MAN1B1: variants seen among roughly 807,000 people sequenced by gnomAD.
MAN1B1 encodes the protein endoplasmic reticulum mannosyl-oligosaccharide 1,2-alpha-mannosidase.
A neutral mutation model predicts 75.5 loss-of-function variants in MAN1B1; 66 were observed. That is an observed-to-expected ratio of 0.87 (90% CI 0.72 to 1.07). The LOEUF (loss-of-function observed/expected upper bound fraction) is 1.07, where lower values mean the gene tolerates loss of function less well. Among genes scored for constraint, MAN1B1 ranks in the 50% least tolerant of loss-of-function variants. MAN1B1 has a pLI of 0.00. For synonymous variants in MAN1B1, 453 were observed against 382.8 expected (o/e 1.18, Z -2.14); for missense variants, 973 against 912.5 (o/e 1.07, Z -0.85).
At position 137,103,754 on chromosome 9, in the gene MAN1B1, C is replaced by T. The variant is rs199895379; in HGVS notation, c.1254+2082C>T. ...CACATGCTGTTGCAGGCGTGCAGGT[C>T]GGTGGTGTTACATTCACACTGTTGC... On this transcript the variant is annotated intron_variant, in intron 8 of 12. Coordinates refer to ENST00000371589, the MANE Select transcript of MAN1B1 (RefSeq NM_016219.5). 2.9e-4 allele frequency: 132 copies of T among 448,114 alleles called. No individual in the cohort carries two copies. In the Middle Eastern group the frequency reaches 7.3e-3, roughly 25 times the overall value. The allele number at this position is 448,114 out of a possible 1,614,324, so 27.8% of individuals were successfully genotyped here.
At chr9:137,104,203 T>C (rs1831012667) in intron 8 of MAN1B1, 14 of 392,326 alleles carry the variant, frequency 3.6e-5, no homozygotes, top group South Asian at 2.6e-4. Context: ...GTGGAGTTCC[T>C]CGTGTGAGTG....
rs777263196 is a variant in MAN1B1 at position 137,106,711 on chromosome 9, G to T, written c.1468G>T (p.Ala490Ser). 6.2e-7 allele frequency: 1 copy of T among 1,613,526 alleles called. No individual in the cohort carries two copies. ...ETQLLEDYVE[A>S]IEGVRTHLLR... ...CAGGCTGCTGGAAGACTACGTGGAA[G>T]CCATCGAGGGTGTCAGAACGCACCT... The change falls in exon 10 of 13, where the codon GCC becomes TCC. Residue 490 changes from alanine (A) to serine (S), a missense_variant. Transcript: ENST00000371589.
intron 8 of MAN1B1, chr9:137,102,381 A>G: frequency 2.3e-6 from 1 of 427,888 alleles, no homozygotes; most frequent in South Asian, 1.6e-5. Flanking sequence ...GCAGACGTGC[A>G]GGTCAGTGCT....
At chr9:137,094,259 C>G in intron 3 of MAN1B1, 1 of 180,020 alleles carries the variant, frequency 5.6e-6, no homozygotes, top group Non-Finnish European at 1.2e-5. Flanking sequence ...AGGTGATCCT[C>G]CTGCCTCGGC....
intron 3 of MAN1B1, among the ~76,000 whole-genome samples, chr9:137,091,636 C>G (rs1830520536): frequency 6.7e-6 from 1 of 150,130 alleles, no homozygotes; most frequent in Non-Finnish European, 1.5e-5. Flanking sequence ...ATGCCATTCT[C>G]CTGCCTTGGC....
At position 137,096,360 on chromosome 9, in the gene MAN1B1, C is replaced by G. The variant is rs1031738240; in HGVS notation, c.589C>G (p.Pro197Ala). The G allele has an allele frequency of 5.0e-6, 8 of 1,613,740 alleles. No homozygotes were observed. The highest frequency in any genetic ancestry group is 6.8e-6 in the Non-Finnish European group (8 of 1,179,990). ...KRQEAPVDPR[P>A]EGDPQRTVIS... ...GCAAGAAGCCCCTGTGGATCCCCGCCCGGAAGGAGATCCGCAGAGGACAGT... is the reference window on the plus strand; with the variant it reads ...GCAAGAAGCCCCTGTGGATCCCCGCGCGGAAGGAGATCCGCAGAGGACAGT... The change falls in exon 4 of 13, where the codon CCG (proline) becomes GCG (alanine). Residue 197 changes from proline (P) to alanine (A), a missense_variant. Transcript: ENST00000371589.
Position 137,101,121 on chromosome 9 carries a change from C to G in MAN1B1, c.1033C>G (p.Leu345Val), listed in dbSNP as rs1326340922. 6.2e-7 allele frequency: 1 copy of G among 1,614,132 alleles called. No homozygotes were observed. Among genetic ancestry groups the G allele is most frequent in the African/African-American group, 1.3e-5 (1 of 75,050 alleles). The part of the protein sequence containing the change: ...ILGGLLSAYH[L>V]SGDSLFLRKA... ...GGGGGGGCTCCTGAGTGCCTACCAC[C>G]TGTCTGGGGACAGCCTCTTCCTGAG... Residue 345 changes from leucine to valine, a missense_variant, in exon 7 of 13, where the codon CTG becomes GTG. By Grantham distance (32) the Leu-to-Val change is conservative. Coordinates refer to ENST00000371589, the MANE Select transcript of MAN1B1 (RefSeq NM_016219.5).
intron 2 of MAN1B1, chr9:137,088,461 G>C (rs1830437908): frequency 6.6e-7 from 1 of 1,516,016 alleles, no homozygotes; most frequent in Non-Finnish European, 8.9e-7. Flanking sequence ...TGAACACTCA[G>C]CCTAAATAAC....
In MAN1B1 at chr9:137,098,783, A is replaced by T. The variant is rs200249063; in HGVS notation, c.730+846A>T. The stretch of plus-strand genomic sequence containing the variant: ...CACTTTGGGAGGCTGAGGTAGAAGG[A>T]TCTCTTGAGTCCAGGAGTTCAAGAC... On this transcript the variant is annotated intron_variant, in intron 5 of 12. Transcript: ENST00000371589. 1.6e-4 allele frequency among the ~76,000 whole-genome samples: 24 copies of T among 152,150 alleles called. No individual in the cohort carries two copies. In the East Asian group the frequency reaches 4.6e-3, roughly 29 times the overall value.
In MAN1B1 at chr9:137,101,465, T is replaced by C; in HGVS notation, c.1066-19T>C. ...CTGGGTGACCTGAACGTTGGTTCTC[T>C]ACTCTGCTCATATACCAGGAGGATT... On this transcript the variant is annotated intron_variant, in intron 7 of 12. Coordinates refer to ENST00000371589, the MANE Select transcript of MAN1B1 (RefSeq NM_016219.5). 6.2e-7 allele frequency: 1 copy of C among 1,613,314 alleles called. No individual in the cohort carries two copies. Among genetic ancestry groups the C allele is most frequent in the East Asian group, 2.2e-5 (1 of 44,880 alleles).
intron 8 of MAN1B1, chr9:137,105,615 G>A (rs1421754553): frequency 3.1e-6 from 1 of 319,516 alleles, no homozygotes; most frequent in Non-Finnish European, 6.0e-6. Context: ...CAGGACGCCT[G>A]GTGCTGCCAG....
chr9:137,098,035 C>G (rs1480140673), intron 5 of MAN1B1, 98 bp downstream of exon 5: 5 of 882,528 alleles, frequency 5.7e-6, no homozygotes, highest in Non-Finnish European at 9.2e-6. Flanking sequence ...GCGCCCCCGC[C>G]CTGGTGTGCA....
chr9:137,099,901 G>C lies in MAN1B1; in HGVS notation c.916+20G>C, dbSNP rs376923523. 7 of 1,613,804 alleles carry C rather than the reference G, an allele frequency of 4.3e-6. No homozygotes were observed. In the African/African-American group the frequency reaches 9.3e-5, roughly 22 times the overall value. On this transcript the variant is annotated intron_variant, in intron 6 of 12. Transcript: ENST00000371589. The stretch of plus-strand genomic sequence containing the variant: ...GGAAAGGTACCTGGTGCTTTCTGGG[G>C]AGGGGCTGAGCCCTCCGTGTGGGCC...
chr9:137,088,671 T>C (rs958657642), intron 2 of MAN1B1, 198 bp from the exon 3 acceptor site: 24 of 736,650 alleles, frequency 3.3e-5, no homozygotes, highest in Non-Finnish European at 4.7e-5. Flanking sequence ...TTCTGTGTTA[T>C]GGACAAGGAC....
At position 137,099,907 on chromosome 9, in the gene MAN1B1, C is replaced by A. The variant is rs770271432; in HGVS notation, c.916+26C>A. 5.0e-6 allele frequency: 8 copies of A among 1,612,796 alleles called. No individual in the cohort carries two copies. In the East Asian group the frequency reaches 1.8e-4, roughly 36 times the overall value. On this transcript the variant is annotated intron_variant, in intron 6 of 12. Transcript: ENST00000371589. Reference sequence around the variant, plus strand: ...GTACCTGGTGCTTTCTGGGGAGGGGCTGAGCCCTCCGTGTGGGCCTCGTGT... The same window carrying A: ...GTACCTGGTGCTTTCTGGGGAGGGGATGAGCCCTCCGTGTGGGCCTCGTGT...
intron 8 of MAN1B1, chr9:137,103,041 CTG>C (rs553457432): frequency 4.5e-4 from 179 of 400,852 alleles, no homozygotes; most frequent in Non-Finnish European, 6.3e-4. Context: ...TACATTCACA[CTG>C]TTGCAGGCGT....
At chr9:137,094,577 T>TAAA in intron 3 of MAN1B1, 3 of 157,668 alleles carry the variant, frequency 1.9e-5, no homozygotes, top group South Asian at 1.3e-4. Context: ...CCATCTCTAT[T>TAAA]AAAAAAAAAA....
At chr9:137,088,816 A>G (rs1206191347) in intron 2 of MAN1B1, 53 bp from the exon 3 acceptor site, 37 of 1,605,900 alleles carry the variant, frequency 2.3e-5, no homozygotes, top group Non-Finnish European at 3.1e-5. Context: ...AGCAGTTTAA[A>G]TCTCTTGTAG....
intron 3 of MAN1B1, among the ~76,000 whole-genome samples, chr9:137,089,743 A>G (rs1830470636): frequency 6.6e-6 from 1 of 151,984 alleles, no homozygotes; most frequent in Non-Finnish European, 1.5e-5. Context: ...CCGTGGGAAA[A>G]GCTGAGTGGG....
Sources: gnomAD v4.1 joint callset for allele counts (sites outside exome capture counted in the v4.1 genomes callset) on GRCh38, gnomAD v4.1.1 for gene constraint, MANE v1.5 for transcripts, NCBI Gene and HGNC (gene_info 2026-07-23, HGNC 2026-07-21) for gene names.